Variants in DOCK4 observed in about 807,000 individuals in gnomAD.
DOCK4 encodes the protein dedicator of cytokinesis protein 4.
Under a neutral mutation model 268.1 loss-of-function variants are expected in DOCK4, and 97 were observed. The observed-to-expected ratio is 0.36, with a 90% CI of 0.31 to 0.43. The LOEUF (loss-of-function observed/expected upper bound fraction) is 0.43, where lower values mean the gene tolerates loss of function less well. Among genes scored for constraint, DOCK4 ranks in the 20% least tolerant of loss-of-function variants. DOCK4 has a pLI of 1.00. For synonymous variants in DOCK4, 954 were observed against 887.2 expected (o/e 1.08, Z -1.34); for missense variants, 2,145 against 2,455.7 (o/e 0.87, Z 2.67).
intron 38 of DOCK4, among the ~76,000 whole-genome samples, chr7:111,765,466 G>A (rs1797708195): frequency 6.6e-6 from 1 of 152,146 alleles, no homozygotes; most frequent in Non-Finnish European, 1.5e-5. Context: ...AATTCTGCTA[G>A]GCCCACAGGC....
chr7:111,765,023 TACCTGTCATATA>T (rs1797681150), intron 39 of DOCK4, 83 bp downstream of exon 39: 1 of 543,414 alleles, frequency 1.8e-6, no homozygotes, highest in Non-Finnish European at 3.1e-6. Flanking sequence ...TGCATATTAT[TACCTGTCATATA>T]AAATGTCATT....
intron 1 of DOCK4, among the ~76,000 whole-genome samples, chr7:112,034,472 A>G (rs567609512): frequency 6.6e-6 from 1 of 152,326 alleles, no homozygotes; most frequent in East Asian, 1.9e-4. Context: ...TGAAAGTTAT[A>G]AAGAAAGAAA....
At position 112,004,350 on chromosome 7, in the gene DOCK4, AATTT is replaced by A. The variant is rs1470374272; in HGVS notation, c.38-223_38-220del. The stretch of plus-strand genomic sequence containing the variant: ...ATAAATATGCATTTCACATATATGA[AATTT>A]ATTAAAATAATACACAATATATCAA... On this transcript the variant is annotated intron_variant, in intron 1 of 52. Coordinates refer to ENST00000428084, the MANE Select transcript of DOCK4 (RefSeq NM_001363540.2). Among the ~76,000 whole-genome samples the A allele has an allele frequency of 3.9e-5, 6 of 152,324 alleles. No homozygotes were observed. In the Middle Eastern group the frequency reaches 0.01, roughly 259 times the overall value.
rs1360328098 is a variant in DOCK4, at chr7:111,900,381, A to G, written c.1473T>C (p.His491=). ...ATGCCACCAAACACTTACTGGAACA[A>G]TGCCGAAACTCGAAGCGGATGTGTG... ...RGAHIRFEFR[H]CSTKEKGEKK... is the part of the protein sequence containing the mutation. Residue 491 remains histidine, a synonymous_variant, in exon 15 of 53, where the codon CAT becomes CAC. Transcript: ENST00000428084. The G allele has an allele frequency of 6.2e-7, 1 of 1,612,904 alleles. No homozygotes were observed. The highest frequency in any genetic ancestry group is 1.7e-5 in the Admixed American group (1 of 59,918).
rs1400124937 is a variant in DOCK4, at chr7:112,206,295, A to C, written c.-157T>G. 1 of 777,690 alleles carries C rather than the reference A, an allele frequency of 1.3e-6. No individual in the cohort carries two copies. The highest frequency in any genetic ancestry group is 2.0e-6 in the Non-Finnish European group (1 of 492,746). 48.2% of individuals were successfully genotyped at this position (777,690 alleles called of 1,614,324 possible). A position where few individuals can be genotyped will look rare whatever the true frequency, so the allele number is the denominator to read the frequency against. On this transcript the variant is annotated 5_prime_UTR_variant, in exon 1 of 53. Coordinates refer to ENST00000428084, the MANE Select transcript of DOCK4 (RefSeq NM_001363540.2). ...GCAGGATCTGCGCTGGAGGCTCCCG[A>C]GCCCAGCGTTGACACTGCGCCGCCC... is the stretch of plus-strand genomic sequence containing the variant.
Position 112,010,014 on chromosome 7 carries a change from G to A in DOCK4, c.38-5883C>T, listed in dbSNP as rs991637794. On this transcript the variant is annotated intron_variant, in intron 1 of 52. Transcript: ENST00000428084. ...GTATATTTTGTAGAGATGGGGTTTC[G>A]CCATATTGCTCAGGCTGGTCTCAAA... 3.9e-5 allele frequency among the ~76,000 whole-genome samples: 6 copies of A among 152,050 alleles called. No homozygotes were observed. In the East Asian group the frequency reaches 5.8e-4, roughly 15 times the overall value.
intron 13 of DOCK4, among the ~76,000 whole-genome samples, chr7:111,905,743 C>T (rs1227827559): frequency 6.6e-6 from 1 of 151,574 alleles, no homozygotes; most frequent in African/African-American, 2.4e-5. Flanking sequence ...CACACACAAG[C>T]TGGATATTTG....
intron 30 of DOCK4, among the ~76,000 whole-genome samples, chr7:111,791,984 C>A (rs188404186): frequency 6.6e-6 from 1 of 152,100 alleles, no homozygotes; most frequent in African/African-American, 2.4e-5. Flanking sequence ...CAATAGTGAA[C>A]CCACAATGGT....
chr7:112,200,733 A>AAAAAAAAT (rs1554478911), intron 1 of DOCK4, among the ~76,000 whole-genome samples: 1 of 117,760 alleles, frequency 8.5e-6, no homozygotes, highest in African/African-American at 4.0e-5. Flanking sequence ...AATAAAAAAA[A>AAAAAAAAT]AAAAACAAAA....
At chr7:112,087,786 C>CT (rs1809239104) in intron 1 of DOCK4, among the ~76,000 whole-genome samples, 1 of 152,004 alleles carries the variant, frequency 6.6e-6, no homozygotes, top group African/African-American at 2.4e-5. Flanking sequence ...AGACCTAGAC[C>CT]ATCATATTAA....
At chr7:111,900,814 G>A (rs1791079760) in intron 14 of DOCK4, among the ~76,000 whole-genome samples, 1 of 152,196 alleles carries the variant, frequency 6.6e-6, no homozygotes, top group Admixed American at 6.5e-5. Context: ...TCAACTACAT[G>A]GTAAAGTTCC....
In DOCK4 at chr7:112,181,639, C is replaced by CAAAAAAAAAAAAAAA. The variant is rs55807955; in HGVS notation, c.37+24448_37+24462dup. Among the ~76,000 whole-genome samples, 56 of 65,374 alleles carry CAAAAAAAAAAAAAAA rather than the reference C, an allele frequency of 8.6e-4. 5 individuals are homozygous for CAAAAAAAAAAAAAAA. Among genetic ancestry groups the CAAAAAAAAAAAAAAA allele is most frequent in the African/African-American group, 3.1e-3 (45 of 14,718 alleles). The allele number at this position is 65,374 out of a possible 152,430, so 42.9% of individuals were successfully genotyped here. A position where few individuals can be genotyped will look rare whatever the true frequency, so the allele number is the denominator to read the frequency against. On this transcript the variant is annotated intron_variant, in intron 1 of 52. Coordinates refer to ENST00000428084, the MANE Select transcript of DOCK4 (RefSeq NM_001363540.2). ...TGAGCAACAGAGTAAGACACTGTCT[C>CAAAAAAAAAAAAAAA]AAAAAAAAAAAAAAAAAAAAGCTTG...
At chr7:112,066,711 A>ATGTGTGTG (rs1439275529) in intron 1 of DOCK4, among the ~76,000 whole-genome samples, 5 of 79,984 alleles carry the variant, frequency 6.3e-5, no homozygotes, top group African/African-American at 2.9e-4. Flanking sequence ...ATATATATAT[A>ATGTGTGTG]TATATATATA....
intron 1 of DOCK4, among the ~76,000 whole-genome samples, chr7:112,147,572 G>T (rs552041445): frequency 6.6e-6 from 1 of 152,078 alleles, no homozygotes; most frequent in South Asian, 2.1e-4. Context: ...TACCCTCAAA[G>T]GTATTTCCTA....
intron 5 of DOCK4, among the ~76,000 whole-genome samples, chr7:111,992,831 G>C (rs935305735): frequency 6.6e-5 from 10 of 152,062 alleles, no homozygotes; most frequent in African/African-American, 2.2e-4. Context: ...ATTTCAAATA[G>C]TTTCTTTTTC....
intron 1 of DOCK4, among the ~76,000 whole-genome samples, chr7:112,098,820 ATATTT>A (rs1810401384): frequency 8.0e-6 from 1 of 125,568 alleles, no homozygotes; most frequent in Non-Finnish European, 1.8e-5. Flanking sequence ...ATATATCTAT[ATATTT>A]TATCTAAATT....
At chr7:112,034,270 TAAGC>T (rs1028590546) in intron 1 of DOCK4, among the ~76,000 whole-genome samples, 2 of 152,152 alleles carry the variant, frequency 1.3e-5, no homozygotes, top group African/African-American at 4.8e-5. Flanking sequence ...TTAAAGGAAC[TAAGC>T]AAGAAAATGA....
chr7:112,060,284 T>C (rs1299149819), intron 1 of DOCK4, among the ~76,000 whole-genome samples: 2 of 152,182 alleles, frequency 1.3e-5, no homozygotes, highest in Admixed American at 6.5e-5. Context: ...TCATACCCAT[T>C]AGAATGGCTT....
intron 1 of DOCK4, among the ~76,000 whole-genome samples, chr7:112,123,916 T>C (rs1563107348): frequency 6.6e-6 from 1 of 152,194 alleles, no homozygotes; most frequent in Non-Finnish European, 1.5e-5. Flanking sequence ...GGACTGTCTA[T>C]AGTTATATGG....
Sources: gnomAD v4.1 joint callset for allele counts (sites outside exome capture counted in the v4.1 genomes callset) on GRCh38, gnomAD v4.1.1 for gene constraint, MANE v1.5 for transcripts, NCBI Gene and HGNC (gene_info 2026-07-23, HGNC 2026-07-21) for gene names.